The following ABHD18 variants were observed in gnomAD, a reference collection of about 807,000 sequenced individuals.
ABHD18 encodes cardiolipin-specific deacylase, mitochondrial.
Under a neutral mutation model 65.9 loss-of-function variants are expected in ABHD18, and 55 were observed. The observed-to-expected ratio is 0.84, with a 90% CI of 0.67 to 1.05. ABHD18 has a LOEUF of 1.05. Among genes scored for constraint, ABHD18 ranks in the 50% least tolerant of loss-of-function variants. ABHD18 has a pLI of 0.00. For synonymous variants in ABHD18, 181 were observed against 180.2 expected, an observed-to-expected ratio of 1.00 and a Z score of -0.04; for missense variants, 533 against 558.5, an observed-to-expected ratio of 0.95 and a Z score of 0.46.
In ABHD18 at chr4:128,032,439, C is replaced by A. The variant is rs531274714; in HGVS notation, c.1343+1767C>A. The stretch of plus-strand genomic sequence containing the variant: ...CGGTGGCTCACATCTGTAATCCCAG[C>A]ACTTCAGGAGGCCAAGGCGGGTGGA... On this transcript the variant is annotated intron_variant, in intron 12 of 12. Transcript: ENST00000645843. 2.0e-5 allele frequency among the ~76,000 whole-genome samples: 3 copies of A among 152,330 alleles called. No individual in the cohort carries two copies. In the East Asian group the frequency reaches 5.8e-4, roughly 29 times the overall value.
intron 7 of ABHD18, among the ~76,000 whole-genome samples, chr4:128,016,612 T>C (rs1317888195): frequency 2.0e-5 from 3 of 151,208 alleles, no homozygotes; most frequent in African/African-American, 7.3e-5. Context: ...CCGTCTCTGC[T>C]AAAAATACAA....
intron 1 of ABHD18, among the ~76,000 whole-genome samples, chr4:127,974,200 T>G (rs1294183042): frequency 2.8e-4 from 41 of 144,470 alleles, no homozygotes; most frequent in East Asian, 1.8e-3. Flanking sequence ...TTTTTTTTTT[T>G]TTTTTTTTTT....
chr4:127,993,310 C>A (rs1414758254), intron 4 of ABHD18, among the ~76,000 whole-genome samples: 4 of 152,152 alleles, frequency 2.6e-5, no homozygotes. Flanking sequence ...TACTCCTCAA[C>A]ATCTGTTGGA....
chr4:127,998,393 C>G (rs1378044689), intron 4 of ABHD18, among the ~76,000 whole-genome samples: 1 of 151,582 alleles, frequency 6.6e-6, no homozygotes, highest in Non-Finnish European at 1.5e-5. Context: ...GTTCCCGCCA[C>G]CACACCCTGC....
intron 11 of ABHD18, among the ~76,000 whole-genome samples, chr4:128,029,218 G>T (rs554483583): frequency 6.6e-6 from 1 of 151,880 alleles, no homozygotes; most frequent in East Asian, 1.9e-4. Flanking sequence ...AAGTAGTCAT[G>T]TGTGGTGTTG....
intron 11 of ABHD18, among the ~76,000 whole-genome samples, chr4:128,029,386 T>C (rs1401084523): frequency 6.6e-6 from 1 of 150,682 alleles, no homozygotes; most frequent in African/African-American, 2.4e-5. Flanking sequence ...ACACACACTC[T>C]CACACACTCT....
intron 4 of ABHD18, among the ~76,000 whole-genome samples, chr4:127,993,847 C>T (rs1482812693): frequency 6.7e-6 from 1 of 149,696 alleles, no homozygotes; most frequent in Non-Finnish European, 1.5e-5. Flanking sequence ...CATCTCCTTA[C>T]CTGCTTCTCT....
intron 4 of ABHD18, among the ~76,000 whole-genome samples, chr4:127,996,397 G>A (rs1294712730): frequency 6.6e-6 from 1 of 151,836 alleles, no homozygotes; most frequent in Non-Finnish European, 1.5e-5. Flanking sequence ...CCATGATGGC[G>A]ACCCCGAGCC....
intron 6 of ABHD18, chr4:128,009,493 T>G (rs1754175174): frequency 5.2e-6 from 1 of 192,150 alleles, no homozygotes. Flanking sequence ...CAATCATGTT[T>G]TAAATGCATT....
chr4:127,998,150 C>A (rs1752049899), intron 4 of ABHD18, among the ~76,000 whole-genome samples: 1 of 151,892 alleles, frequency 6.6e-6, no homozygotes, highest in Admixed American at 6.6e-5. Context: ...CAGCCTCCCA[C>A]AGTGCTGGGA....
At chr4:127,995,245 C>T (rs1023186970) in intron 4 of ABHD18, among the ~76,000 whole-genome samples, 1 of 152,266 alleles carries the variant, frequency 6.6e-6, no homozygotes, top group African/African-American at 2.4e-5. Flanking sequence ...ATATTTTATT[C>T]CATTTATAGA....
intron 10 of ABHD18, among the ~76,000 whole-genome samples, chr4:128,027,440 C>G (rs1757538175): frequency 6.6e-6 from 1 of 151,330 alleles, no homozygotes; most frequent in Non-Finnish European, 1.5e-5. Flanking sequence ...GAGTCTCACT[C>G]TGTCGCCCAG....
At chr4:128,000,113 A>G (rs1362629879) in intron 4 of ABHD18, among the ~76,000 whole-genome samples, 2 of 152,220 alleles carry the variant, frequency 1.3e-5, no homozygotes, top group South Asian at 4.1e-4. Context: ...ACCTGCCCCC[A>G]TGATTCAACT....
At chr4:127,977,773 A>T (rs1034020911) in intron 1 of ABHD18, among the ~76,000 whole-genome samples, 16 of 150,978 alleles carry the variant, frequency 1.1e-4, no homozygotes, top group African/African-American at 2.9e-4. Context: ...TTTAGAATAA[A>T]TTTTTTTTTT....
chr4:128,001,496 G>T (rs988929669), intron 4 of ABHD18, among the ~76,000 whole-genome samples: 1 of 152,082 alleles, frequency 6.6e-6, no homozygotes, highest in African/African-American at 2.4e-5. Flanking sequence ...ACCTGATTGT[G>T]GTGAATAACT....
At chr4:127,973,923 C>A (rs1747366097) in intron 1 of ABHD18, among the ~76,000 whole-genome samples, 2 of 148,434 alleles carry the variant, frequency 1.3e-5, no homozygotes, top group Non-Finnish European at 3.0e-5. Context: ...GAAGTGAGTT[C>A]TTGTCTCTTC....
chr4:128,014,781 C>G (rs1022768696), intron 7 of ABHD18, among the ~76,000 whole-genome samples: 1 of 148,372 alleles, frequency 6.7e-6, no homozygotes, highest in Admixed American at 6.8e-5. Context: ...TACCCCCCGC[C>G]CCTAAAAAAA....
At chr4:127,978,153 T>G (rs906989193) in intron 1 of ABHD18, among the ~76,000 whole-genome samples, 2 of 152,096 alleles carry the variant, frequency 1.3e-5, no homozygotes, top group Non-Finnish European at 2.9e-5. Flanking sequence ...GAAAGAAATT[T>G]AAAACAATAT....
intron 10 of ABHD18, among the ~76,000 whole-genome samples, chr4:128,026,584 G>C (rs1757400973): frequency 6.6e-6 from 1 of 151,962 alleles, no homozygotes; most frequent in Admixed American, 6.6e-5. Flanking sequence ...ATAAATTAAA[G>C]TGATTTGCCA....
Sources: allele counts gnomAD v4.1 joint callset (sites outside exome capture counted in the v4.1 genomes callset), GRCh38; gene constraint gnomAD v4.1.1; transcripts MANE v1.5; gene names NCBI Gene and HGNC (gene_info 2026-07-23, HGNC 2026-07-21).